RBFOX1: variants seen among roughly 807,000 people sequenced by gnomAD.
RBFOX1 encodes RNA binding protein fox-1 homolog 1.
In RBFOX1, 8 loss-of-function variants were observed where a neutral mutation model predicts 57.7. The ratio of observed to expected loss-of-function variants is 0.14; its 90% CI spans 0.08 to 0.25. The LOEUF (loss-of-function observed/expected upper bound fraction) is 0.25, where lower values mean the gene tolerates loss of function less well. RBFOX1 is among the 10% of genes least tolerant of loss of function. The pLI is 1.00. For synonymous variants in RBFOX1, 326 were observed against 222.4 expected (o/e 1.47, Z -4.15); for missense variants, 611 against 548.5 (o/e 1.11, Z -1.14).
At chr16:7,420,476 TG>T (rs1446560680) in intron 4 of RBFOX1, among the ~76,000 whole-genome samples, 1 of 152,234 alleles carries the variant, frequency 6.6e-6, no homozygotes, top group Non-Finnish European at 1.5e-5. Context: ...ATGATAGAAT[TG>T]TCTAAATCGA....
intron 2 of RBFOX1, among the ~76,000 whole-genome samples, chr16:6,618,672 C>T (rs893087804): frequency 3.3e-5 from 5 of 152,178 alleles, no homozygotes; most frequent in Non-Finnish European, 5.9e-5. Flanking sequence ...AAATTCACAT[C>T]ACTTTAATGT....
intron 2 of RBFOX1, among the ~76,000 whole-genome samples, chr16:6,528,396 C>T (rs774486269): frequency 9.9e-5 from 15 of 152,204 alleles, no homozygotes; most frequent in African/African-American, 3.4e-4. Flanking sequence ...GATAAGTCCA[C>T]CATCAATGCA....
chr16:7,164,548 T>A (rs1054677612), intron 4 of RBFOX1, among the ~76,000 whole-genome samples: 1 of 152,138 alleles, frequency 6.6e-6, no homozygotes, highest in African/African-American at 2.4e-5. Flanking sequence ...AAGAGTAAAA[T>A]TTATATACTA....
intron 2 of RBFOX1, among the ~76,000 whole-genome samples, chr16:6,618,978 C>G (rs2098184452): frequency 6.6e-6 from 1 of 152,076 alleles, no homozygotes; most frequent in Non-Finnish European, 1.5e-5. Context: ...ATTTATAGTC[C>G]AGAGTGGGAA....
intron 3 of RBFOX1, among the ~76,000 whole-genome samples, chr16:6,768,686 T>C (rs2077774710): frequency 6.8e-6 from 1 of 146,794 alleles, no homozygotes; most frequent in African/African-American, 2.6e-5. Flanking sequence ...ATGTAAAATA[T>C]ATATGTACCT....
intron 1 of RBFOX1, among the ~76,000 whole-genome samples, chr16:5,245,770 C>G (rs2062283630): frequency 7.0e-6 from 1 of 142,164 alleles, no homozygotes; most frequent in South Asian, 2.5e-4. Flanking sequence ...TTTTCAAACA[C>G]ATTTTACTAT....
intron 2 of RBFOX1, among the ~76,000 whole-genome samples, chr16:6,572,744 T>C (rs2097362641): frequency 6.6e-6 from 1 of 152,042 alleles, no homozygotes; most frequent in African/African-American, 2.4e-5. Flanking sequence ...AGGTGTGAGA[T>C]ATGCACCCAG....
At chr16:5,607,263 G>A (rs960220708) in intron 3 of RBFOX1, among the ~76,000 whole-genome samples, 3 of 152,288 alleles carry the variant, frequency 2.0e-5, no homozygotes, top group Admixed American at 6.5e-5. Context: ...GCTGATACTC[G>A]GGGCAGTGAG....
intron 3 of RBFOX1, among the ~76,000 whole-genome samples, chr16:6,933,484 A>G (rs2076888657): frequency 6.6e-6 from 1 of 152,224 alleles, no homozygotes; most frequent in Non-Finnish European, 1.5e-5. Flanking sequence ...AAGCCAAGGC[A>G]GGCAGATCAC....
intron 1 of RBFOX1, among the ~76,000 whole-genome samples, chr16:6,216,355 C>T (rs1820486432): frequency 6.6e-6 from 1 of 152,140 alleles, no homozygotes; most frequent in African/African-American, 2.4e-5. Flanking sequence ...AGGCTGTATT[C>T]CCTCTGGGTC....
At position 7,281,078 on chromosome 16, in the gene RBFOX1, C is replaced by A. The variant is rs933757685; in HGVS notation, c.27+228980C>A. On this transcript the variant is annotated intron_variant, in intron 4 of 15. Coordinates refer to ENST00000550418, the MANE Select transcript of RBFOX1 (RefSeq NM_018723.4). ...AGTGCAGTGGCACAGTCTTGGCTCA[C>A]TGCAACCTCTGCCTCCTGGGTTCAA... Among the ~76,000 whole-genome samples, 3 of 151,072 alleles carry A rather than the reference C, an allele frequency of 2.0e-5. No individual in the cohort carries two copies. In the East Asian group the frequency reaches 5.9e-4, roughly 30 times the overall value.
chr16:6,477,631 T>C (rs969193510), intron 2 of RBFOX1, among the ~76,000 whole-genome samples: 2 of 152,222 alleles, frequency 1.3e-5, no homozygotes, highest in African/African-American at 4.8e-5. Context: ...AAATGGTAAA[T>C]GAGCCTTGCT....
chr16:6,954,318 T>C (rs1261633602), intron 3 of RBFOX1, among the ~76,000 whole-genome samples: 1 of 152,064 alleles, frequency 6.6e-6, no homozygotes, highest in East Asian at 1.9e-4. Context: ...ATTTATGGCG[T>C]TTTAAGGTCT....
intron 4 of RBFOX1, among the ~76,000 whole-genome samples, chr16:5,938,580 A>T (rs1448314129): frequency 6.6e-6 from 1 of 152,194 alleles, no homozygotes; most frequent in East Asian, 1.9e-4. Flanking sequence ...TGCTTCCCAC[A>T]TCCTTGAATT....
intron 4 of RBFOX1, among the ~76,000 whole-genome samples, chr16:5,922,335 G>T (rs2058842640): frequency 6.6e-6 from 1 of 152,152 alleles, no homozygotes; most frequent in African/African-American, 2.4e-5. Context: ...ATGTAAAGGG[G>T]ACAAACATCT....
chr16:6,851,385 G>A (rs574736809), intron 3 of RBFOX1, among the ~76,000 whole-genome samples: 1 of 152,130 alleles, frequency 6.6e-6, no homozygotes, highest in East Asian at 1.9e-4. Context: ...GTTACCCCTG[G>A]AGCAATAAGA....
At chr16:7,283,794 G>T (rs913666111) in intron 4 of RBFOX1, among the ~76,000 whole-genome samples, 1 of 152,146 alleles carries the variant, frequency 6.6e-6, no homozygotes, top group Admixed American at 6.5e-5. Flanking sequence ...GTTTACTGAG[G>T]CATAATTTAC....
chr16:7,243,710 C>G (rs1203066838), intron 4 of RBFOX1, among the ~76,000 whole-genome samples: 1 of 152,012 alleles, frequency 6.6e-6, no homozygotes, highest in African/African-American at 2.4e-5. Flanking sequence ...TCACATCCAG[C>G]TAATTTTATT....
At chr16:7,243,838 C>G (rs892645684) in intron 4 of RBFOX1, among the ~76,000 whole-genome samples, 2 of 152,168 alleles carry the variant, frequency 1.3e-5, no homozygotes, top group South Asian at 2.1e-4. Context: ...GTATGAGCCA[C>G]TGCATCCTAC....
Sources: gnomAD v4.1 joint callset for allele counts (sites outside exome capture counted in the v4.1 genomes callset) on GRCh38, gnomAD v4.1.1 for gene constraint, MANE v1.5 for transcripts, NCBI Gene and HGNC (gene_info 2026-07-23, HGNC 2026-07-21) for gene names.